Variants in IQSEC1 observed in about 807,000 individuals in gnomAD.
The protein encoded by IQSEC1 is IQ motif and Sec7 domain ArfGEF 1, also known as IQ motif and SEC7 domain-containing protein 1.
Under a neutral mutation model 91.0 loss-of-function variants are expected in IQSEC1, and 31 were observed. The observed-to-expected ratio is 0.34, with a 90% confidence interval of 0.26 to 0.46. The LOEUF (loss-of-function observed/expected upper bound fraction) is 0.46. Ranked by LOEUF, IQSEC1 falls within the 20% of genes least tolerant of loss-of-function variation. The probability of loss-of-function intolerance (pLI) is 1.00; values close to 1 mark genes in which losing one functional copy is unlikely to be tolerated. For synonymous variants in IQSEC1, 699 were observed against 662.6 expected, an observed-to-expected ratio of 1.05 and a Z score of -0.84; for missense variants, 1,388 against 1,575.6, an observed-to-expected ratio of 0.88 and a Z score of 2.02.
rs980066997 is a variant in IQSEC1 at position 12,935,250 on chromosome 3, A to C, written c.1568+198T>G. Among the ~76,000 whole-genome samples, 1 of 152,130 alleles carries C rather than the reference A, an allele frequency of 6.6e-6. No homozygotes were observed. The highest frequency in any genetic ancestry group is 6.5e-5 in the Admixed American group (1 of 15,282). On this transcript the variant is annotated intron_variant, in intron 3 of 13. Transcript: ENST00000613206. The surrounding 1 kb of genome is among the most constrained non-coding windows in gnomAD (Gnocchi z 8.0). ...TCAGCCTGTGTGTGTTGCCATCCCC[A>C]CCAGCAGTCCCAGGAGGGGCTAGGC...
chr3:13,152,306 A>G (rs1191477807), intron 2 of IQSEC1, among the ~76,000 whole-genome samples: 1 of 152,262 alleles, frequency 6.6e-6, no homozygotes, highest in South Asian at 2.1e-4. Context: ...TGTTCACTGC[A>G]GCATTACTGA....
At position 13,203,206 on chromosome 3, in the gene IQSEC1, CACATGCACACACACACAT is replaced by C. The variant is rs1694277504; in HGVS notation, c.273-39091_273-39074del. ...ACACACACACACACTCTTATGCTCACACATGCACACACACACATACATGCACACACACACAACTCACCC... is the reference window on the plus strand; with the variant it reads ...ACACACACACACACTCTTATGCTCACACATGCACACACACACAACTCACCC... On this transcript the variant is annotated intron_variant, in intron 1 of 15. Coordinates refer to the IQSEC1 transcript ENST00000648114. Among the ~76,000 whole-genome samples the C allele has an allele frequency of 2.6e-5, 4 of 152,116 alleles. No homozygotes were observed. The East Asian group carries it at 5.8e-4, about 22-fold the overall frequency.
intron 1 of IQSEC1, among the ~76,000 whole-genome samples, chr3:13,199,038 C>G (rs1260149556): frequency 3.3e-5 from 5 of 152,182 alleles, no homozygotes; most frequent in Non-Finnish European, 5.9e-5. Context: ...AAAACCCATG[C>G]ACATAAAGGG....
chr3:13,230,426 C>T lies in IQSEC1; in HGVS notation c.272+52285G>A, dbSNP rs557740926. ...CTGCTAAAGCTTTGGCTAACTTTCT[C>T]AAAACACTCATCATAAGCAGATGTG... On this transcript the variant is annotated intron_variant, in intron 1 of 15. Coordinates refer to the IQSEC1 transcript ENST00000648114. 3.9e-5 allele frequency among the ~76,000 whole-genome samples: 6 copies of T among 152,340 alleles called. No homozygotes were observed. The South Asian group carries it at 1.2e-3, about 32-fold the overall frequency.
intron 1 of IQSEC1, among the ~76,000 whole-genome samples, chr3:13,271,269 C>T (rs965746378): frequency 6.6e-6 from 1 of 151,840 alleles, no homozygotes. Context: ...CCCAGCTACT[C>T]GGGAGGCTGA....
In IQSEC1 at chr3:13,171,254, G is replaced by A. The variant is rs115878993; in HGVS notation, c.273-7121C>T. ...GGGAAACTGAGGCTTAGACAGATGAGGTGGTCCACTCAAGGGCACACAGAC... is the reference window on the plus strand; with the variant it reads ...GGGAAACTGAGGCTTAGACAGATGAAGTGGTCCACTCAAGGGCACACAGAC... On this transcript the variant is annotated intron_variant, in intron 1 of 15. Coordinates refer to the IQSEC1 transcript ENST00000648114. Among the ~76,000 whole-genome samples the A allele has an allele frequency of 6.7e-3, 1,016 of 152,284 alleles. 10 individuals are homozygous for A. The highest frequency in any genetic ancestry group is 0.021 in the African/African-American group (884 of 41,542).
At chr3:13,129,809 C>T (rs1252776311) in intron 2 of IQSEC1, among the ~76,000 whole-genome samples, 2 of 151,778 alleles carry the variant, frequency 1.3e-5, no homozygotes, top group African/African-American at 4.8e-5. Context: ...AGGTGCCCAA[C>T]ACCACGCCCG....
intron 1 of IQSEC1, among the ~76,000 whole-genome samples, chr3:13,041,240 C>T (rs1200587858): frequency 6.6e-6 from 1 of 152,002 alleles, no homozygotes; most frequent in African/African-American, 2.4e-5. Flanking sequence ...GGGTGAAAGG[C>T]TGCACCACAG....
intron 2 of IQSEC1, among the ~76,000 whole-genome samples, chr3:13,115,359 G>A (rs1706317563): frequency 6.6e-6 from 1 of 152,168 alleles, no homozygotes; most frequent in Admixed American, 6.5e-5. Context: ...TGAGGGCCTG[G>A]CCAGAAGTGG....
intron 1 of IQSEC1, among the ~76,000 whole-genome samples, chr3:13,223,668 G>A (rs1694701224): frequency 6.6e-6 from 1 of 152,226 alleles, no homozygotes; most frequent in African/African-American, 2.4e-5. Flanking sequence ...CTGCCCACAA[G>A]AGACACACTG....
At chr3:12,946,277 C>T (rs1417937156) in intron 1 of IQSEC1, among the ~76,000 whole-genome samples, 4 of 152,232 alleles carry the variant, frequency 2.6e-5, no homozygotes, top group Admixed American at 6.5e-5. Context: ...AAAAACCCAG[C>T]CCATTGAACA....
At chr3:13,090,133 G>A (rs1705832862) in intron 2 of IQSEC1, among the ~76,000 whole-genome samples, 1 of 152,042 alleles carries the variant, frequency 6.6e-6, no homozygotes, top group Non-Finnish European at 1.5e-5. Context: ...CAGGAGAATG[G>A]CGTGAACCTG....
intron 2 of IQSEC1, among the ~76,000 whole-genome samples, chr3:13,078,639 A>C (rs1705599911): frequency 6.6e-6 from 1 of 151,828 alleles, no homozygotes; most frequent in Admixed American, 6.6e-5. Context: ...GTGAGTGCAC[A>C]CAAGTGGAGC....
At chr3:13,218,720 C>T (rs1284037320) in intron 1 of IQSEC1, among the ~76,000 whole-genome samples, 1 of 152,186 alleles carries the variant, frequency 6.6e-6, no homozygotes, top group African/African-American at 2.4e-5. Flanking sequence ...TGACTGCCAC[C>T]CTCAAGGGTG....
In IQSEC1 at chr3:12,992,776, C is replaced by T. The variant is rs1189935424; in HGVS notation, c.24-50911G>A. Among the ~76,000 whole-genome samples, 3 of 152,254 alleles carry T rather than the reference C, an allele frequency of 2.0e-5. No homozygotes were observed. The highest frequency in any genetic ancestry group is 7.2e-5 in the African/African-American group (3 of 41,466). ...CAAGGCCAGGGGGAGGGGACACCCA[C>T]TGTCACCTTTCTGCTCCCTTTGCTC... On this transcript the variant is annotated intron_variant, in intron 1 of 13. Coordinates refer to ENST00000613206, the MANE Select transcript of IQSEC1 (RefSeq NM_001134382.3). The surrounding 1 kb of genome is among the most constrained non-coding windows in gnomAD (Gnocchi z 4.1).
intron 1 of IQSEC1, among the ~76,000 whole-genome samples, chr3:13,042,832 G>A (rs1397472418): frequency 1.3e-5 from 2 of 152,208 alleles, no homozygotes; most frequent in Admixed American, 1.3e-4. Context: ...CCGCCTGGCT[G>A]GCCCAGAGTG....
chr3:13,135,326 A>T (rs573624233), intron 2 of IQSEC1, among the ~76,000 whole-genome samples: 1 of 152,216 alleles, frequency 6.6e-6, no homozygotes, highest in Non-Finnish European at 1.5e-5. Flanking sequence ...CACTGGCCCT[A>T]TGGGTGGGGC....
chr3:13,034,544 G>A (rs1333975764), intron 1 of IQSEC1, among the ~76,000 whole-genome samples: 1 of 152,196 alleles, frequency 6.6e-6, no homozygotes, highest in African/African-American at 2.4e-5. Flanking sequence ...GAGCCAGTGT[G>A]GAGCCTGTTG....
Position 13,278,252 on chromosome 3 carries a change from C to G in IQSEC1, c.272+4459G>C, listed in dbSNP as rs143270371. On this transcript the variant is annotated intron_variant, in intron 1 of 15. Transcript: ENST00000648114. ...GGCAGGCCACTCCACTGGGCTTCCC[C>G]CCCCCACCCCCAGCCTCCTTAGGCG... is the stretch of plus-strand genomic sequence containing the variant. Among the ~76,000 whole-genome samples the G allele has an allele frequency of 3.2e-3, 493 of 152,282 alleles. 2 individuals carry two copies. Among genetic ancestry groups the G allele is most frequent in the African/African-American group, 0.011 (453 of 41,548 alleles).
Sources: gnomAD v4.1 joint callset for allele counts (sites outside exome capture counted in the v4.1 genomes callset) on GRCh38, gnomAD v4.1.1 for gene constraint, Gnocchi (gnomAD v3.1) non-coding constraint, MANE v1.5 for transcripts, NCBI Gene and HGNC (gene_info 2026-07-23, HGNC 2026-07-21) for gene names.